ABLIM2: variants seen among roughly 807,000 people sequenced by gnomAD.
The protein encoded by ABLIM2 is actin binding LIM protein family member 2.
A neutral mutation model predicts 97.7 loss-of-function variants in ABLIM2; 53 were observed. The ratio of observed to expected loss-of-function variants is 0.54; its 90% confidence interval spans 0.44 to 0.68. The LOEUF (loss-of-function observed/expected upper bound fraction) is 0.68. ABLIM2 is among the 30% of genes least tolerant of loss of function. ABLIM2 has a pLI of 0.00. For missense variants in ABLIM2, 835 were observed against 867.2 expected (o/e 0.96, Z 0.47); for synonymous variants, 361 against 345.8 (o/e 1.04, Z -0.49).
intron 2 of ABLIM2, 146 bp from the exon 3 acceptor site, chr4:8,097,428 A>G: frequency 1.0e-6 from 1 of 996,616 alleles, no homozygotes; most frequent in Non-Finnish European, 1.4e-6. Context: ...GGCTTGCTCA[A>G]CTCTCGGCGG....
intron 20 of ABLIM2, among the ~76,000 whole-genome samples, chr4:7,975,326 T>G (rs1405665620): frequency 6.6e-6 from 1 of 152,254 alleles, no homozygotes; most frequent in East Asian, 1.9e-4. Flanking sequence ...ATGAGCTCTG[T>G]GTGCTGAACC....
In ABLIM2 at chr4:8,005,340, G is replaced by A. The variant is rs376530569; in HGVS notation, c.1618+2719C>T. On this transcript the variant is annotated intron_variant, in intron 16 of 20. Coordinates refer to ENST00000447017, the MANE Select transcript of ABLIM2 (RefSeq NM_001130083.2). This position sits in a 1 kb window ranked among gnomAD's most constrained non-coding sequence, Gnocchi z 4.9. Reference sequence around the variant, plus strand: ...TCAATAAATACCCGTTGAATGTAACGCATTTCAATTCAACAGACATTTATT... The same window carrying A: ...TCAATAAATACCCGTTGAATGTAACACATTTCAATTCAACAGACATTTATT... 405 of 533,422 alleles carry A rather than the reference G, an allele frequency of 7.6e-4. 7 individuals carry two copies. The highest frequency in any genetic ancestry group is 4.8e-3 in the South Asian group (344 of 71,518). The allele number at this position is 533,422 out of a possible 1,614,324, so 33.0% of individuals were successfully genotyped here.
intron 5 of ABLIM2, among the ~76,000 whole-genome samples, chr4:8,078,526 C>T (rs1468844095): frequency 2.6e-5 from 4 of 152,206 alleles, no homozygotes; most frequent in African/African-American, 4.8e-5. Context: ...CCTTCACACC[C>T]GTTATCATGA....
rs1206879464 is a variant in ABLIM2, at chr4:8,095,027, C to G, written c.338+2072G>C. Among the ~76,000 whole-genome samples, 1 of 144,368 alleles carries G rather than the reference C, an allele frequency of 6.9e-6. No homozygotes were observed. The highest frequency in any genetic ancestry group is 2.2e-4 in the South Asian group (1 of 4,532). 94.7% of individuals were successfully genotyped at this position (144,368 alleles called of 152,430 possible). On this transcript the variant is annotated intron_variant, in intron 3 of 20. Coordinates refer to ENST00000447017, the MANE Select transcript of ABLIM2 (RefSeq NM_001130083.2). The surrounding 1 kb of genome is among the most constrained non-coding windows in gnomAD (Gnocchi z 4.7). The stretch of plus-strand genomic sequence containing the variant: ...CTTTCTTTCTCTCTCTCTCTCCCCC[C>G]ACTTCTTTCCTTCCTTCCTTCTTTC...
intron 12 of ABLIM2, among the ~76,000 whole-genome samples, chr4:8,026,105 G>A (rs1382275135): frequency 6.6e-6 from 1 of 152,188 alleles, no homozygotes; most frequent in South Asian, 2.1e-4. Flanking sequence ...ACTGCTGGCC[G>A]AAGCAATCCT....
chr4:8,099,705 C>T (rs1029755329), intron 2 of ABLIM2, among the ~76,000 whole-genome samples: 3 of 152,046 alleles, frequency 2.0e-5, no homozygotes, highest in Non-Finnish European at 2.9e-5. Flanking sequence ...ATTATCCGGG[C>T]GTGGTGGCGG....
chr4:8,152,093 G>C (rs1019158248), intron 1 of ABLIM2, among the ~76,000 whole-genome samples: 1 of 152,168 alleles, frequency 6.6e-6, no homozygotes, highest in Non-Finnish European at 1.5e-5. Flanking sequence ...CAGGCGAGAA[G>C]ATGGGCTGTG....
chr4:8,008,743 C>T (rs982087561), intron 15 of ABLIM2, among the ~76,000 whole-genome samples: 1 of 152,218 alleles, frequency 6.6e-6, no homozygotes, highest in African/African-American at 2.4e-5. Flanking sequence ...GTCTGATGAA[C>T]CTGTCCTAGA....
intron 1 of ABLIM2, among the ~76,000 whole-genome samples, chr4:8,135,456 A>T (rs866698812): frequency 6.6e-6 from 1 of 152,190 alleles, no homozygotes; most frequent in East Asian, 1.9e-4. Flanking sequence ...TGATTAGTTC[A>T]TGAGTGTGGA....
At chr4:8,094,912 C>T (rs989698111) in intron 3 of ABLIM2, among the ~76,000 whole-genome samples, 1 of 150,834 alleles carries the variant, frequency 6.6e-6, no homozygotes, top group African/African-American at 2.5e-5. Flanking sequence ...CCCTCCCTCC[C>T]TCTCTTCCCT....
At chr4:8,144,512 C>T (rs578153860) in intron 1 of ABLIM2, among the ~76,000 whole-genome samples, 7 of 152,024 alleles carry the variant, frequency 4.6e-5, no homozygotes, top group African/African-American at 1.4e-4. Flanking sequence ...GTGAAAGCCT[C>T]GCAGGAAGCT....
In ABLIM2 at chr4:8,091,601, T is replaced by TATATAAAATTATATATATAATTATATATA. The variant is rs371964121; in HGVS notation, c.339-3318_339-3317insTATATATAATTATATATATAATTTTATAT. ...TTATATAAAATTATATATATAATTA[T>TATATAAAATTATATATATAATTATATATA]ATATATTATGTATAATTTTATATAA... On this transcript the variant is annotated intron_variant, in intron 3 of 20. Coordinates refer to ENST00000447017, the MANE Select transcript of ABLIM2 (RefSeq NM_001130083.2). Among the ~76,000 whole-genome samples, 4 of 52,054 alleles carry TATATAAAATTATATATATAATTATATATA rather than the reference T, an allele frequency of 7.7e-5. 1 individual carries two copies. Among genetic ancestry groups the TATATAAAATTATATATATAATTATATATA allele is most frequent in the Non-Finnish European group, 1.2e-4 (4 of 34,766 alleles). The allele number at this position is 52,054 out of a possible 152,430, so 34.1% of individuals were successfully genotyped here.
At chr4:8,110,453 C>G (rs1404329607) in intron 1 of ABLIM2, among the ~76,000 whole-genome samples, 2 of 152,056 alleles carry the variant, frequency 1.3e-5, no homozygotes, top group South Asian at 2.1e-4. Flanking sequence ...GTCTGTGTGT[C>G]TGTCTGTCTC....
At chr4:8,080,597 GA>G in intron 5 of ABLIM2, 78 bp downstream of exon 5, 1 of 1,413,646 alleles carries the variant, frequency 7.1e-7, no homozygotes, top group East Asian at 2.5e-5. Context: ...TGGCGCTGGG[GA>G]CACGTGCAGA....
Position 8,123,936 on chromosome 4 carries a change from A to G in ABLIM2, c.11-17299T>C, listed in dbSNP as rs1846649736. On this transcript the variant is annotated intron_variant, in intron 1 of 20. Transcript: ENST00000447017. This position sits in a 1 kb window ranked among gnomAD's most constrained non-coding sequence, Gnocchi z 6.2. ...AAAAATAACTTCATTTTGATGACCTAAGGAATGCTACTCATGGCTAGAAAC... is the reference window on the plus strand; with the variant it reads ...AAAAATAACTTCATTTTGATGACCTGAGGAATGCTACTCATGGCTAGAAAC... Among the ~76,000 whole-genome samples the G allele has an allele frequency of 6.6e-6, 1 of 152,176 alleles. No homozygotes were observed. Among genetic ancestry groups the G allele is most frequent in the Non-Finnish European group, 1.5e-5 (1 of 68,030 alleles).
At position 7,999,161 on chromosome 4, in the gene ABLIM2, G is replaced by A. The variant is rs898878328; in HGVS notation, c.1619-6234C>T. On this transcript the variant is annotated intron_variant, in intron 16 of 20. Coordinates refer to ENST00000447017, the MANE Select transcript of ABLIM2 (RefSeq NM_001130083.2). The surrounding 1 kb of genome is among the most constrained non-coding windows in gnomAD (Gnocchi z 4.4). Reference sequence around the variant, plus strand: ...GCTCACTGCAACCTCCTGGGTTCAAGCGATTCTCCTGCCTCAGCCTCCTGA... The same window carrying A: ...GCTCACTGCAACCTCCTGGGTTCAAACGATTCTCCTGCCTCAGCCTCCTGA... Among the ~76,000 whole-genome samples, 15 of 152,282 alleles carry A rather than the reference G, an allele frequency of 9.9e-5. No homozygotes were observed. Among genetic ancestry groups the A allele is most frequent in the African/African-American group, 3.4e-4 (14 of 41,562 alleles).
intron 12 of ABLIM2, among the ~76,000 whole-genome samples, chr4:8,026,000 C>G (rs572786602): frequency 6.6e-6 from 1 of 152,268 alleles, no homozygotes; most frequent in African/African-American, 2.4e-5. Flanking sequence ...CCCTTTCTGG[C>G]TTTGCTTGTT....
In ABLIM2 at chr4:8,152,425, G is replaced by A. The variant is rs554681189; in HGVS notation, c.10+6255C>T. Among the ~76,000 whole-genome samples the A allele has an allele frequency of 1.6e-4, 24 of 152,342 alleles. No homozygotes were observed. In the East Asian group the frequency reaches 3.1e-3, roughly 20 times the overall value. ...CTCCGAGCAGCGCTGCGAGGACCCC[G>A]GGAGGAAACCTATACGAGCATCTGG... is the stretch of plus-strand genomic sequence containing the variant. On this transcript the variant is annotated intron_variant, in intron 1 of 20. Transcript: ENST00000447017.
intron 20 of ABLIM2, among the ~76,000 whole-genome samples, chr4:7,975,238 C>T (rs1168512933): frequency 6.6e-6 from 1 of 152,174 alleles, no homozygotes; most frequent in African/African-American, 2.4e-5. Context: ...TCATTTTCCA[C>T]ACTGCAATTA....
Sources: gnomAD v4.1 joint callset for allele counts (sites outside exome capture counted in the v4.1 genomes callset) on GRCh38, gnomAD v4.1.1 for gene constraint, Gnocchi (gnomAD v3.1) non-coding constraint, MANE v1.5 for transcripts, NCBI Gene and HGNC (gene_info 2026-07-23, HGNC 2026-07-21) for gene names.